PIK3C3: variants seen among roughly 807,000 people sequenced by gnomAD.
PIK3C3 encodes the protein phosphatidylinositol 3-kinase catalytic subunit type 3.
A neutral mutation model predicts 126.1 loss-of-function variants in PIK3C3; 95 were observed. That is an observed-to-expected ratio of 0.75 (90% CI 0.64 to 0.89). The LOEUF is 0.89. PIK3C3 is among the 40% of genes least tolerant of loss of function. The pLI, the probability that PIK3C3 is intolerant of heterozygous loss-of-function variation, is 0.00. For missense variants in PIK3C3, 829 were observed against 1,063.2 expected, an observed-to-expected ratio of 0.78 and a Z score of 3.06; for synonymous variants, 374 against 360.0, an observed-to-expected ratio of 1.04 and a Z score of -0.44.
rs1223151801 is a variant in PIK3C3, at chr18:41,962,574, G to T, written c.343G>T (p.Gly115Cys). The T allele has an allele frequency of 1.9e-6, 3 of 1,613,594 alleles. No individual in the cohort carries two copies. The highest frequency in any genetic ancestry group is 2.5e-6 in the Non-Finnish European group (3 of 1,179,696). The part of the protein sequence containing the change: ...QVALTIWDVY[G>C]PGKAVPVGGT... ...GGCCCTCACCATATGGGATGTGTAT[G>T]GTCCCGGAAAAGCAGTGCCTGTAGG... is the stretch of plus-strand genomic sequence containing the variant. The change falls in exon 3 of 25, where the codon GGT becomes TGT. Residue 115 changes from glycine (G) to cysteine (C), a missense_variant. Transcript: ENST00000262039.
intron 12 of PIK3C3, among the ~76,000 whole-genome samples, chr18:42,018,844 G>A (rs1278517176): frequency 3.3e-5 from 5 of 151,956 alleles, no homozygotes; most frequent in African/African-American, 1.2e-4. Flanking sequence ...ACCTACTTTC[G>A]CTATGCCTGA....
rs146617972 is a variant in PIK3C3, at chr18:42,044,005, T to C, written c.2188+188T>C. Among the ~76,000 whole-genome samples, 27 of 152,368 alleles carry C rather than the reference T, an allele frequency of 1.8e-4. No individual in the cohort carries two copies. In the East Asian group the frequency reaches 4.8e-3, roughly 27 times the overall value. On this transcript the variant is annotated intron_variant, in intron 20 of 24. Coordinates refer to ENST00000262039, the MANE Select transcript of PIK3C3 (RefSeq NM_002647.4). ...AATAGTATTAACAAGGTGTAAATTC[T>C]ATTTAGTCTTTCATGGATATATCTT...
chr18:42,039,883 GT>G (rs1460438720), intron 18 of PIK3C3, among the ~76,000 whole-genome samples: 2 of 152,134 alleles, frequency 1.3e-5, no homozygotes, highest in Non-Finnish European at 2.9e-5. Flanking sequence ...ATAAATACCT[GT>G]TAAGTGAATT....
At chr18:42,051,928 A>C (rs2144494300) in intron 21 of PIK3C3, among the ~76,000 whole-genome samples, 1 of 152,088 alleles carries the variant, frequency 6.6e-6, no homozygotes, top group African/African-American at 2.4e-5. Flanking sequence ...TACATATGTA[A>C]CAAACCTGCA....
At chr18:41,987,535 A>C (rs916119728) in intron 4 of PIK3C3, among the ~76,000 whole-genome samples, 1 of 152,138 alleles carries the variant, frequency 6.6e-6, no homozygotes, top group Non-Finnish European at 1.5e-5. Context: ...AATACAAGAA[A>C]TATAGGAACA....
chr18:42,060,418 A>G (rs576857257), intron 22 of PIK3C3, among the ~76,000 whole-genome samples: 130 of 152,292 alleles, frequency 8.5e-4, no homozygotes, highest in South Asian at 6.4e-3. Flanking sequence ...TTAGACACTG[A>G]TGTTACAAAG....
intron 13 of PIK3C3, 131 bp downstream of exon 13, chr18:42,020,836 CT>C: frequency 1.7e-6 from 1 of 580,918 alleles, no homozygotes; most frequent in Non-Finnish European, 3.1e-6. Flanking sequence ...GTATTTATAT[CT>C]AACTGTATTC....
intron 22 of PIK3C3, among the ~76,000 whole-genome samples, chr18:42,061,161 T>A (rs1985297401): frequency 6.6e-6 from 1 of 152,186 alleles, no homozygotes. Context: ...GAACATTACA[T>A]GCAACCTGCT....
At chr18:42,043,398 A>G (rs770449704) in intron 19 of PIK3C3, among the ~76,000 whole-genome samples, 1 of 151,882 alleles carries the variant, frequency 6.6e-6, no homozygotes, top group Non-Finnish European at 1.5e-5. Flanking sequence ...GCCAGGATAA[A>G]CTCATTTTTT....
At chr18:41,958,196 T>C (rs1207519588) in intron 2 of PIK3C3, among the ~76,000 whole-genome samples, 4 of 151,508 alleles carry the variant, frequency 2.6e-5, no homozygotes, top group South Asian at 4.1e-4. Context: ...CATATGAAAC[T>C]AATTTATTTA....
intron 22 of PIK3C3, among the ~76,000 whole-genome samples, chr18:42,064,217 TTAC>T (rs1236500754): frequency 6.6e-6 from 1 of 152,178 alleles, no homozygotes; most frequent in African/African-American, 2.4e-5. Flanking sequence ...TCTTATAGAA[TTAC>T]TTTTATCCAG....
chr18:41,963,839 TTG>T (rs1980221013), intron 3 of PIK3C3, among the ~76,000 whole-genome samples: 1 of 151,734 alleles, frequency 6.6e-6, no homozygotes. Flanking sequence ...TTTTTTTTTT[TTG>T]AGTTGTCGTT....
intron 24 of PIK3C3, among the ~76,000 whole-genome samples, chr18:42,075,386 T>C (rs998187716): frequency 2.6e-5 from 4 of 152,092 alleles, no homozygotes; most frequent in Non-Finnish European, 4.4e-5. Flanking sequence ...AACACCAATA[T>C]ATCACACACA....
At chr18:41,990,312 A>T in intron 5 of PIK3C3, 147 bp from the exon 6 acceptor site, 1 of 611,332 alleles carries the variant, frequency 1.6e-6, no homozygotes, top group Non-Finnish European at 2.9e-6. Flanking sequence ...AACACACTAC[A>T]TGTATATAAT....
At chr18:41,966,231 G>A (rs1207116351) in intron 3 of PIK3C3, among the ~76,000 whole-genome samples, 1 of 146,502 alleles carries the variant, frequency 6.8e-6, no homozygotes, top group African/African-American at 2.6e-5. Flanking sequence ...CTGCTGTGGG[G>A]TGATCTGAGC....
chr18:41,955,237 T>G lies in PIK3C3; in HGVS notation c.-55T>G. The stretch of plus-strand genomic sequence containing the variant: ...GTGGGGCTCAGCTGGTTCATTTATG[T>G]TGTTTTTCCTGTACCTAAGTTCCCG... On this transcript the variant is annotated 5_prime_UTR_variant, in exon 1 of 25. Coordinates refer to ENST00000262039, the MANE Select transcript of PIK3C3 (RefSeq NM_002647.4). 1 of 1,459,000 alleles carries G rather than the reference T, an allele frequency of 6.9e-7. No individual in the cohort carries two copies. Among genetic ancestry groups the G allele is most frequent in the Non-Finnish European group, 9.6e-7 (1 of 1,046,008 alleles). 90.4% of individuals were successfully genotyped at this position (1,459,000 alleles called of 1,614,324 possible). A position where few individuals can be genotyped will look rare whatever the true frequency, so the allele number is the denominator to read the frequency against.
chr18:41,981,429 ATAC>A (rs1163796055), intron 4 of PIK3C3, among the ~76,000 whole-genome samples: 2 of 152,194 alleles, frequency 1.3e-5, no homozygotes, highest in African/African-American at 4.8e-5. Context: ...TATGAAGCAA[ATAC>A]TACTCTTCCT....
chr18:42,041,805 GGTACAGT>G (rs1984336226), intron 19 of PIK3C3, among the ~76,000 whole-genome samples: 1 of 152,080 alleles, frequency 6.6e-6, no homozygotes, highest in African/African-American at 2.4e-5. Flanking sequence ...TTTGATTTGG[GGTACAGT>G]CATGTGCAGT....
chr18:41,988,025 G>A, intron 5 of PIK3C3, 127 bp downstream of exon 5: 3 of 561,928 alleles, frequency 5.3e-6, no homozygotes, highest in South Asian at 5.6e-5. Flanking sequence ...CTGTAGCTGG[G>A]AATTCTATGC....
Sources: allele counts gnomAD v4.1 joint callset (sites outside exome capture counted in the v4.1 genomes callset), GRCh38; gene constraint gnomAD v4.1.1; transcripts MANE v1.5; gene names NCBI Gene and HGNC (gene_info 2026-07-23, HGNC 2026-07-21).